Variants in PTGIR observed in about 807,000 individuals in gnomAD.
PTGIR encodes the protein prostaglandin I2 receptor.
In PTGIR, 16 loss-of-function variants were observed where a neutral mutation model predicts 17.6. The observed-to-expected ratio is 0.91, with a 90% confidence interval of 0.61 to 1.38. The LOEUF (loss-of-function observed/expected upper bound fraction) is 1.38. Ranked by LOEUF, PTGIR falls within the 40% of genes most tolerant of loss-of-function variation. The pLI, the probability that PTGIR is intolerant of heterozygous loss-of-function variation, is 0.00. For missense variants in PTGIR, 532 were observed against 548.6 expected (o/e 0.97, Z 0.30); for synonymous variants, 274 against 255.4 (o/e 1.07, Z -0.69).
the PTGIR span, chr19:46,614,336 G>A: frequency 2.1e-6 from 2 of 963,266 alleles, no homozygotes; most frequent in African/African-American, 3.5e-5. Context: ...ACCCTGAAGA[G>A]CTGCAACTCC....
In PTGIR at chr19:46,621,669, G is replaced by A. The variant is rs78791790; in HGVS notation, c.772C>T (p.Arg258Cys). Residue 258 changes from arginine to cysteine, a missense_variant, in exon 3 of 3, where the codon CGC (arginine) becomes TGC (cysteine). Physicochemically the swap from Arg to Cys is radical, Grantham distance 180. Coordinates refer to ENST00000291294, the MANE Select transcript of PTGIR (RefSeq NM_000960.4). The surrounding 1 kb of genome is among the most constrained non-coding windows in gnomAD (Gnocchi z 4.8). Reference protein sequence around the residue: ...MAVCSLPLTIRCFTQAVAPDS... With the variant: ...MAVCSLPLTICCFTQAVAPDS... ...GGGGCGACAGCCTGGGTGAAGCAGCGGATCTGAGGGCAGGGTGAGGGCGTC... is the reference window on the plus strand; with the variant it reads ...GGGGCGACAGCCTGGGTGAAGCAGCAGATCTGAGGGCAGGGTGAGGGCGTC... The A allele has an allele frequency of 1.8e-5, 29 of 1,610,266 alleles. No individual in the cohort carries two copies. The highest frequency in any genetic ancestry group is 1.6e-4 in the East Asian group (7 of 44,852).
Position 46,623,458 on chromosome 19 carries a change from C to T in PTGIR, c.768G>A (p.Thr256=), listed in dbSNP as rs757009606. ...CCTCCCAGCTCCGGAGGGGACTCAC[C>T]GTGAGAGGCAGGGAGCACACGGCCA... is the stretch of plus-strand genomic sequence containing the variant. The part of the protein sequence containing the change: ...VVMAVCSLPL[T]IRCFTQAVAP... The change falls in exon 2 of 3, where the codon ACG becomes ACA. Residue 256 remains threonine (T), a splice_region_variant and synonymous_variant. Transcript: ENST00000291294. 6.5e-6 allele frequency: 10 copies of T among 1,549,794 alleles called. No individual in the cohort carries two copies. The African/African-American group carries it at 9.5e-5, about 15-fold the overall frequency.
chr19:46,622,263 G>T, intron 2 of PTGIR: 1 of 985,412 alleles, frequency 1.0e-6, no homozygotes, highest in Non-Finnish European at 1.2e-6. Flanking sequence ...CAGAGGCAAG[G>T]GTGGGGCCTG....
the PTGIR span, among the ~76,000 whole-genome samples, chr19:46,613,708 C>T: frequency 6.6e-6 from 1 of 152,188 alleles, no homozygotes. Context: ...AGCACCCGCT[C>T]AAGGTGTGCG....
the PTGIR span, among the ~76,000 whole-genome samples, chr19:46,612,034 G>A: frequency 6.6e-6 from 1 of 152,238 alleles, no homozygotes; most frequent in Admixed American, 6.5e-5. Flanking sequence ...CCCAGTCACC[G>A]GAGCCAGCGG....
At chr19:46,614,422 A>T in the PTGIR span, 2 of 985,358 alleles carry the variant, frequency 2.0e-6, no homozygotes, top group Non-Finnish European at 2.4e-6. Context: ...GGTGCTAGGG[A>T]GATGGGAATG....
chr19:46,616,882 C>T (rs1015469005), downstream of PTGIR, among the ~76,000 whole-genome samples: 2 of 152,224 alleles, frequency 1.3e-5, no homozygotes, highest in Non-Finnish European at 2.9e-5. Flanking sequence ...CAAGACCCTG[C>T]GGAGCGGGTG....
the PTGIR span, chr19:46,614,475 GTCCCCCGT>G: frequency 1.0e-6 from 1 of 971,428 alleles, no homozygotes; most frequent in Non-Finnish European, 1.2e-6. Context: ...GTCCCCTTGA[GTCCCCCGT>G]TCCCAGCACA....
In PTGIR at chr19:46,623,899, G is replaced by A; in HGVS notation, c.327C>T (p.Ile109=). ...MTFFGLASML[I]LFAMAVERCL... ...AGCGCTCCACGGCCATGGCAAAGAG[G>A]ATGAGCATGGACGCCAGGCCGAAGA... The change falls in exon 2 of 3, where the codon ATC becomes ATT. Residue 109 remains isoleucine, a synonymous_variant. Transcript: ENST00000291294. 1 of 1,609,858 alleles carries A rather than the reference G, an allele frequency of 6.2e-7. No homozygotes were observed. Among genetic ancestry groups the A allele is most frequent in the Non-Finnish European group, 8.5e-7 (1 of 1,178,150 alleles).
intron 1 of PTGIR, 115 bp from the exon 2 acceptor site, chr19:46,624,352 C>T: frequency 2.1e-6 from 2 of 950,352 alleles, no homozygotes; most frequent in Non-Finnish European, 2.9e-6. Context: ...CCCAGCCAAC[C>T]CCCAGTTCTC....
At chr19:46,617,745 G>T (rs906400598), downstream of PTGIR, among the ~76,000 whole-genome samples, 30 of 152,090 alleles carry the variant, frequency 2.0e-4, no homozygotes, top group Non-Finnish European at 3.8e-4. Flanking sequence ...TCCTCTGTTG[G>T]GGGTAGGAGG....
In PTGIR at chr19:46,621,142, C is replaced by T. The variant is rs373443618; in HGVS notation, c.*138G>A. ...CCAGAGCCAGCAGCGACTGCCCTGC[C>T]GCAGGAGAAACAGCAGCTGATCGGC... is the stretch of plus-strand genomic sequence containing the variant. On this transcript the variant is annotated 3_prime_UTR_variant, in exon 3 of 3. Transcript: ENST00000291294. The surrounding 1 kb of genome is among the most constrained non-coding windows in gnomAD (Gnocchi z 4.8). 25 of 1,372,876 alleles carry T rather than the reference C, an allele frequency of 1.8e-5. No homozygotes were observed. In the Admixed American group the frequency reaches 2.0e-4, roughly 11 times the overall value. 85.0% of individuals were successfully genotyped at this position (1,372,876 alleles called of 1,614,324 possible).
In PTGIR at chr19:46,621,904, C is replaced by T. The variant is rs2122332422; in HGVS notation, c.769-232G>A. The T allele has an allele frequency of 5.3e-6, 7 of 1,317,268 alleles. No individual in the cohort carries two copies. The highest frequency in any genetic ancestry group is 6.8e-6 in the Non-Finnish European group (7 of 1,035,444). The allele number at this position is 1,317,268 out of a possible 1,614,324, so 81.6% of individuals were successfully genotyped here. Reference sequence around the variant, plus strand: ...GGGATGGGGGCCAGGTATGTGGGTCCCCCCACCCTTGGAAGCTGGGAGGAC... The same window carrying T: ...GGGATGGGGGCCAGGTATGTGGGTCTCCCCACCCTTGGAAGCTGGGAGGAC... On this transcript the variant is annotated intron_variant, in intron 2 of 2. Coordinates refer to ENST00000291294, the MANE Select transcript of PTGIR (RefSeq NM_000960.4). This position sits in a 1 kb window ranked among gnomAD's most constrained non-coding sequence, Gnocchi z 4.8.
downstream of PTGIR, among the ~76,000 whole-genome samples, chr19:46,616,326 C>CTTTTTTTTTTTTTTTTTTTTTTTTTT (rs1021116711): frequency 1.5e-5 from 1 of 66,574 alleles, no homozygotes; most frequent in African/African-American, 7.3e-5. Flanking sequence ...GACAGAAATG[C>CTTTTTTTTTTTTTTTTTTTTTTTTTT]TTTTTTTTTT....
downstream of PTGIR, among the ~76,000 whole-genome samples, chr19:46,619,629 G>GAAAGA (rs1555816613): frequency 5.1e-5 from 7 of 136,616 alleles, no homozygotes; most frequent in African/African-American, 2.0e-4. Context: ...AAGAAAGAAA[G>GAAAGA]AAAGAAAGAA....
chr19:46,615,114 G>A, the PTGIR span, among the ~76,000 whole-genome samples: 4 of 152,100 alleles, frequency 2.6e-5, no homozygotes, highest in African/African-American at 4.8e-5. Flanking sequence ...GCTTGAACCC[G>A]GGAGGTGGAG....
rs1307450883 is a variant in PTGIR, at chr19:46,621,724, C to T, written c.769-52G>A. ...AGCACCCAGGAGTCCTCAGCCTCCC[C>T]ACCCTGGCTCCCTCCTCCCACTTGC... On this transcript the variant is annotated intron_variant, in intron 2 of 2. Transcript: ENST00000291294. The surrounding 1 kb of genome is among the most constrained non-coding windows in gnomAD (Gnocchi z 4.8). 2 of 1,553,364 alleles carry T rather than the reference C, an allele frequency of 1.3e-6. No homozygotes were observed. Among genetic ancestry groups the T allele is most frequent in the African/African-American group, 1.4e-5 (1 of 73,656 alleles).
chr19:46,620,982 C>T lies in PTGIR; in HGVS notation c.*298G>A. ...ACAGAAGCCTCTGGGAACTTCTCCG[C>T]CTTCTAAATATTTAGACAATGAGAT... On this transcript the variant is annotated 3_prime_UTR_variant, in exon 3 of 3. Coordinates refer to ENST00000291294, the MANE Select transcript of PTGIR (RefSeq NM_000960.4). The T allele has an allele frequency of 9.2e-7, 1 of 1,085,720 alleles. No individual in the cohort carries two copies. Among genetic ancestry groups the T allele is most frequent in the Non-Finnish European group, 1.1e-6 (1 of 895,096 alleles). 67.3% of individuals were successfully genotyped at this position (1,085,720 alleles called of 1,614,324 possible).
At chr19:46,616,039 C>T (rs1244337584), downstream of PTGIR, among the ~76,000 whole-genome samples, 1 of 151,592 alleles carries the variant, frequency 6.6e-6, no homozygotes, top group Non-Finnish European at 1.5e-5. Flanking sequence ...TGGGCTCAAG[C>T]GATCCACCTG....
Sources: allele counts gnomAD v4.1 joint callset (sites outside exome capture counted in the v4.1 genomes callset), GRCh38; gene constraint gnomAD v4.1.1; non-coding constraint Gnocchi (gnomAD v3.1); transcripts MANE v1.5; gene names NCBI Gene and HGNC (gene_info 2026-07-23, HGNC 2026-07-21).